Variants in OR2L13 observed in about 807,000 individuals in gnomAD.
The protein encoded by OR2L13 is olfactory receptor 2L13.
In OR2L13, 14 loss-of-function variants were observed where a neutral mutation model predicts 15.3. That is an observed-to-expected ratio of 0.91 (90% CI 0.60 to 1.43). The LOEUF is 1.43. OR2L13 is among the 40% of genes most tolerant of loss of function. OR2L13 has a pLI of 0.00. For missense variants in OR2L13, 367 were observed against 387.9 expected, an observed-to-expected ratio of 0.95 and a Z score of 0.45; for synonymous variants, 152 against 142.9, an observed-to-expected ratio of 1.06 and a Z score of -0.45.
At chr1:248,069,430 A>AT in the OR2L13 span, among the ~76,000 whole-genome samples, 1 of 152,188 alleles carries the variant, frequency 6.6e-6, no homozygotes, top group Non-Finnish European at 1.5e-5. Context: ...ATGCTGAGAG[A>AT]TTTTGTCACC....
chr1:248,045,826 CACA>C, the OR2L13 span: 2 of 152,270 alleles, frequency 1.3e-5, no homozygotes, highest in South Asian at 4.2e-4. Context: ...ACTAATTGAT[CACA>C]ACTAGTTACA....
chr1:248,074,806 G>A, the OR2L13 span, among the ~76,000 whole-genome samples: 1 of 152,030 alleles, frequency 6.6e-6, no homozygotes, highest in East Asian at 1.9e-4. Flanking sequence ...AACTGCACAC[G>A]TACCCCTTGA....
At chr1:247,964,773 A>G in the OR2L13 span, among the ~76,000 whole-genome samples, 1 of 150,382 alleles carries the variant, frequency 6.6e-6, no homozygotes, top group South Asian at 2.1e-4. Flanking sequence ...GTTTACACAC[A>G]TATGTGTATA....
exon 3 of OR2L13, chr1:248,099,780 G>C (rs1322978288): frequency 1.2e-6 from 2 of 1,614,120 alleles, no homozygotes; most frequent in Admixed American, 3.3e-5. Flanking sequence ...CTATCCGCAT[G>C]AGTAAAATGA....
chr1:248,032,093 C>T, the OR2L13 span, among the ~76,000 whole-genome samples: 7 of 152,066 alleles, frequency 4.6e-5, no homozygotes, highest in Admixed American at 6.6e-5. Flanking sequence ...TTGCATCAGT[C>T]TTAATGCTGA....
the OR2L13 span, among the ~76,000 whole-genome samples, chr1:248,068,724 G>GA: frequency 6.6e-6 from 1 of 151,890 alleles, no homozygotes; most frequent in Non-Finnish European, 1.5e-5. Context: ...TAAAAACTTT[G>GA]AAAAAAATGT....
At chr1:248,042,553 CA>C in the OR2L13 span, among the ~76,000 whole-genome samples, 1 of 151,292 alleles carries the variant, frequency 6.6e-6, no homozygotes, top group Non-Finnish European at 1.5e-5. Flanking sequence ...AAACAAAAAA[CA>C]AAAACAAACA....
At chr1:247,985,372 G>C in the OR2L13 span, among the ~76,000 whole-genome samples, 1 of 150,696 alleles carries the variant, frequency 6.6e-6, no homozygotes, top group South Asian at 2.1e-4. Context: ...TGGTTTTTTT[G>C]TCCTTGCAAT....
chr1:247,949,084 T>C, the OR2L13 span: 2 of 1,613,948 alleles, frequency 1.2e-6, no homozygotes, highest in South Asian at 2.2e-5. Flanking sequence ...ATCTCCACCA[T>C]TGTTCCTAAG....
At chr1:248,067,775 T>G in the OR2L13 span, among the ~76,000 whole-genome samples, 1 of 152,010 alleles carries the variant, frequency 6.6e-6, no homozygotes, top group Non-Finnish European at 1.5e-5. Context: ...ACCTGGAAAA[T>G]CGGGCCACTC....
chr1:247,969,489 A>C, the OR2L13 span, among the ~76,000 whole-genome samples: 3 of 152,162 alleles, frequency 2.0e-5, no homozygotes, highest in Admixed American at 6.6e-5. Context: ...TTGGTTATTA[A>C]CAAAGTGTAG....
the OR2L13 span, among the ~76,000 whole-genome samples, chr1:247,971,896 G>T: frequency 6.6e-6 from 1 of 152,068 alleles, no homozygotes; most frequent in Non-Finnish European, 1.5e-5. Context: ...AAATGCAAAA[G>T]GGCAGAAGTA....
the OR2L13 span, chr1:248,084,382 C>A: frequency 5.0e-6 from 8 of 1,613,164 alleles, no homozygotes; most frequent in Non-Finnish European, 6.8e-6. Context: ...GTGGTGGAAA[C>A]CAGCATCACG....
chr1:247,949,002 T>A, the OR2L13 span: 3 of 1,613,960 alleles, frequency 1.9e-6, no homozygotes, highest in African/African-American at 4.0e-5. Flanking sequence ...TCTTCTCATC[T>A]TCTTGGACAC....
At chr1:248,100,263 C>T (rs1217333677) in exon 3 of OR2L13, 4 of 1,613,164 alleles carry the variant, frequency 2.5e-6, no homozygotes, top group Non-Finnish European at 3.4e-6. Flanking sequence ...ATAAGGAAGT[C>T]CTGGGGGCTA....
At chr1:247,985,062 A>G in the OR2L13 span, among the ~76,000 whole-genome samples, 1 of 152,150 alleles carries the variant, frequency 6.6e-6, no homozygotes, top group Non-Finnish European at 1.5e-5. Flanking sequence ...TCAAAACTTC[A>G]TTCACTTTTA....
the OR2L13 span, among the ~76,000 whole-genome samples, chr1:248,007,458 G>A: frequency 6.6e-6 from 1 of 152,096 alleles, no homozygotes; most frequent in South Asian, 2.1e-4. Context: ...TCCCCTTATG[G>A]TCATTAAGAA....
chr1:247,938,247 A>G, the OR2L13 span, among the ~76,000 whole-genome samples: 4 of 152,312 alleles, frequency 2.6e-5, no homozygotes, highest in African/African-American at 9.6e-5. Flanking sequence ...TAAAATTACT[A>G]ATATAATGAT....
the OR2L13 span, among the ~76,000 whole-genome samples, chr1:248,063,601 G>C: frequency 7.8e-3 from 1,188 of 152,340 alleles, 16 homozygotes; most frequent in African/African-American, 0.027. Flanking sequence ...TTGGGACAGA[G>C]AGAAAATAGG....
Sources: allele counts gnomAD v4.1 joint callset (sites outside exome capture counted in the v4.1 genomes callset), GRCh38; gene constraint gnomAD v4.1.1; transcripts MANE v1.5; gene names NCBI Gene and HGNC (gene_info 2026-07-23, HGNC 2026-07-21).